The following RSRC1 variants were observed in gnomAD, a reference collection of about 807,000 sequenced individuals.
RSRC1 encodes arginine and serine rich coiled-coil 1.
A neutral mutation model predicts 49.1 loss-of-function variants in RSRC1; 39 were observed. That is an observed-to-expected ratio of 0.79 (90% CI 0.61 to 1.04). RSRC1 has a LOEUF of 1.04. RSRC1 is among the 50% of genes least tolerant of loss of function. The pLI, the probability that RSRC1 is intolerant of heterozygous loss-of-function variation, is 0.00. For synonymous variants in RSRC1, 143 were observed against 130.8 expected (o/e 1.09, Z -0.63); for missense variants, 388 against 402.4 (o/e 0.96, Z 0.31).
intron 1 of RSRC1, among the ~76,000 whole-genome samples, chr3:158,116,020 G>GA (rs954951010): frequency 1.3e-5 from 2 of 152,118 alleles, no homozygotes; most frequent in African/African-American, 4.8e-5. Flanking sequence ...TGGCCATTTG[G>GA]AAAATATTGG....
intron 3 of RSRC1, among the ~76,000 whole-genome samples, chr3:158,175,706 T>A (rs1233941135): frequency 6.6e-6 from 1 of 152,140 alleles, no homozygotes; most frequent in African/African-American, 2.4e-5. Flanking sequence ...ATAAGGGAAA[T>A]TCTTCTATCC....
chr3:158,500,653 G>T (rs1339304729), intron 7 of RSRC1, among the ~76,000 whole-genome samples: 1 of 152,008 alleles, frequency 6.6e-6, no homozygotes, highest in Non-Finnish European at 1.5e-5. Context: ...GTACATAAAG[G>T]TGTTCATAGT....
At position 158,543,425 on chromosome 3, in the gene RSRC1, G is replaced by A. The variant is rs144776555; in HGVS notation, c.850G>A (p.Asp284Asn). The A allele has an allele frequency of 2.1e-5, 34 of 1,611,988 alleles. No homozygotes were observed. In the African/African-American group the frequency reaches 4.4e-4, roughly 21 times the overall value. The change falls in exon 9 of 10, where the codon GAT (aspartate) becomes AAT (asparagine). Residue 284 changes from aspartate to asparagine, a missense_variant. Coordinates refer to ENST00000611884, the MANE Select transcript of RSRC1 (RefSeq NM_001271838.2). ...TCCACCCAGTACTGAAAAAGAAATA[G>A]ATCCTACCAGCATCCCTACTGCTAT... ...ADPPSTEKEI[D>N]PTSIPTAIKY... is the part of the protein sequence containing the mutation.
At chr3:158,125,775 T>A (rs1379794120) in intron 3 of RSRC1, among the ~76,000 whole-genome samples, 2 of 152,102 alleles carry the variant, frequency 1.3e-5, no homozygotes, top group Non-Finnish European at 2.9e-5. Context: ...TATGTCTTAT[T>A]TTTCTGTCCA....
chr3:158,378,667 A>G (rs1310713025), intron 6 of RSRC1, among the ~76,000 whole-genome samples: 1 of 152,158 alleles, frequency 6.6e-6, no homozygotes, highest in African/African-American at 2.4e-5. Flanking sequence ...AGAATTTACA[A>G]ATAATCAGGT....
At chr3:158,269,332 A>G (rs977857976) in intron 4 of RSRC1, among the ~76,000 whole-genome samples, 13 of 152,188 alleles carry the variant, frequency 8.5e-5, no homozygotes, top group African/African-American at 3.1e-4. Context: ...TGGTAAGCCT[A>G]ATGTTAGTTT....
chr3:158,344,365 A>G (rs775719159), intron 5 of RSRC1, among the ~76,000 whole-genome samples: 25 of 152,232 alleles, frequency 1.6e-4, no homozygotes, highest in Non-Finnish European at 3.4e-4. Flanking sequence ...ACAGAGAAAA[A>G]TATATACTCA....
At chr3:158,303,448 T>A (rs1727677217) in intron 5 of RSRC1, 1 of 152,178 alleles carries the variant, frequency 6.6e-6, no homozygotes. Flanking sequence ...CAGGGTGATC[T>A]GGGGCAGTGC....
At chr3:158,412,451 T>C (rs1734512098) in intron 6 of RSRC1, among the ~76,000 whole-genome samples, 1 of 152,140 alleles carries the variant, frequency 6.6e-6, no homozygotes, top group Non-Finnish European at 1.5e-5. Context: ...GTCACCTTCT[T>C]TTGGGAGTCA....
chr3:158,371,018 C>T (rs367918183), intron 6 of RSRC1, among the ~76,000 whole-genome samples: 4 of 151,832 alleles, frequency 2.6e-5, no homozygotes. Flanking sequence ...ATTTAATGTG[C>T]CTTCCTGTGG....
intron 7 of RSRC1, among the ~76,000 whole-genome samples, chr3:158,466,147 T>A (rs1391242173): frequency 6.6e-6 from 1 of 152,162 alleles, no homozygotes; most frequent in East Asian, 1.9e-4. Flanking sequence ...TTCCAGTAAA[T>A]GTGTGTTAAT....
At chr3:158,372,720 A>T (rs184631443) in intron 6 of RSRC1, among the ~76,000 whole-genome samples, 3 of 152,028 alleles carry the variant, frequency 2.0e-5, no homozygotes, top group East Asian at 1.9e-4. Flanking sequence ...TCAGATTAAA[A>T]TTTTTTTAAT....
chr3:158,349,264 G>C (rs943698812), intron 5 of RSRC1, among the ~76,000 whole-genome samples: 19 of 151,968 alleles, frequency 1.3e-4, no homozygotes, highest in Middle Eastern at 3.2e-3. Context: ...AATAATAGCT[G>C]TTCTGAGTGG....
chr3:158,123,822 TA>T (rs1240089080), intron 2 of RSRC1, 43 bp from the exon 3 acceptor site: 1 of 1,558,244 alleles, frequency 6.4e-7, no homozygotes. Context: ...ATGCTCATAA[TA>T]AAAATTTTTA....
intron 4 of RSRC1, among the ~76,000 whole-genome samples, chr3:158,263,323 CATTG>C (rs971847493): frequency 6.6e-6 from 1 of 152,026 alleles, no homozygotes; most frequent in South Asian, 2.1e-4. Flanking sequence ...TGGGGAACTA[CATTG>C]ATTGAGTTTT....
At chr3:158,184,173 T>C (rs1432272813) in intron 3 of RSRC1, among the ~76,000 whole-genome samples, 1 of 152,088 alleles carries the variant, frequency 6.6e-6, no homozygotes, top group Non-Finnish European at 1.5e-5. Context: ...TAAGATGCTC[T>C]TATTCATTAC....
At chr3:158,285,746 T>C (rs1726501217) in intron 4 of RSRC1, among the ~76,000 whole-genome samples, 1 of 152,268 alleles carries the variant, frequency 6.6e-6, no homozygotes, top group Admixed American at 6.5e-5. Context: ...TGATTTTGTA[T>C]CCTGAGACTT....
intron 6 of RSRC1, among the ~76,000 whole-genome samples, chr3:158,402,860 G>A (rs1364042141): frequency 6.6e-6 from 1 of 151,760 alleles, no homozygotes; most frequent in Non-Finnish European, 1.5e-5. Flanking sequence ...TAAGCTGTAT[G>A]TATGTTATTG....
intron 4 of RSRC1, among the ~76,000 whole-genome samples, chr3:158,273,887 C>T (rs769157781): frequency 6.6e-6 from 1 of 152,052 alleles, no homozygotes; most frequent in Non-Finnish European, 1.5e-5. Flanking sequence ...TCTTTCTCAT[C>T]GTAGTTGCTT....
Sources: allele counts gnomAD v4.1 joint callset (sites outside exome capture counted in the v4.1 genomes callset), GRCh38; gene constraint gnomAD v4.1.1; transcripts MANE v1.5; gene names NCBI Gene and HGNC (gene_info 2026-07-23, HGNC 2026-07-21).